Variants in NUP153 observed in about 807,000 individuals in gnomAD.
The protein encoded by NUP153 is nucleoporin 153, also known as nuclear pore complex protein Nup153.
NUP153 carries 27 observed loss-of-function variants against 134.6 expected under a neutral mutation model. The observed-to-expected ratio is 0.20, with a 90% CI of 0.15 to 0.28. NUP153 has a LOEUF of 0.28. NUP153 is among the 10% of genes least tolerant of loss of function. NUP153 has a pLI of 1.00. For missense variants in NUP153, 1,821 were observed against 1,731.3 expected (o/e 1.05, Z -0.92); for synonymous variants, 640 against 623.5 (o/e 1.03, Z -0.40).
At chr6:17,641,208 G>A (rs546089631) in intron 14 of NUP153, among the ~76,000 whole-genome samples, 1 of 152,236 alleles carries the variant, frequency 6.6e-6, no homozygotes, top group Non-Finnish European at 1.5e-5. Context: ...TGTGTGGGAT[G>A]GGGAGAGGAG....
intron 11 of NUP153, among the ~76,000 whole-genome samples, chr6:17,653,009 T>C (rs1362432014): frequency 6.6e-6 from 1 of 151,954 alleles, no homozygotes; most frequent in African/African-American, 2.4e-5. Context: ...AGCCTAGCAT[T>C]TGGTAGGCCG....
chr6:17,662,187 A>G (rs189319876), intron 9 of NUP153, 117 bp from the exon 10 acceptor site: 25 of 903,624 alleles, frequency 2.8e-5, no homozygotes, highest in Middle Eastern at 3.3e-4. Context: ...CTTTTTAGTT[A>G]ATGAATCCTG....
chr6:17,616,660 AATT>A lies in NUP153; in HGVS notation c.4207_4209del (p.Asn1403del), dbSNP rs1764347816. ...GATGGACTGTTGTTTGTGAAGTTGAAATTTGTAGTGCTGCTGCCAAACTGGAAA... is the reference window on the plus strand; with the variant it reads ...GATGGACTGTTGTTTGTGAAGTTGAATGTAGTGCTGCTGCCAAACTGGAAA... On this transcript the variant is annotated inframe_deletion, in exon 21 of 22. Transcript: ENST00000262077. 1 of 1,613,818 alleles carries A rather than the reference AATT, an allele frequency of 6.2e-7. No individual in the cohort carries two copies. Among genetic ancestry groups the A allele is most frequent in the African/African-American group, 1.3e-5 (1 of 74,934 alleles).
In NUP153 at chr6:17,625,841, C is replaced by CTTT. The variant is rs1764915500; in HGVS notation, c.3867_3868insAAA (p.Phe1289_Gly1290insLys). 1 of 1,613,924 alleles carries CTTT rather than the reference C, an allele frequency of 6.2e-7. No individual in the cohort carries two copies. Among genetic ancestry groups the CTTT allele is most frequent in the South Asian group, 1.1e-5 (1 of 91,086 alleles). On this transcript the variant is annotated inframe_insertion, in exon 19 of 22. Coordinates refer to ENST00000262077, the MANE Select transcript of NUP153 (RefSeq NM_005124.4). This position sits in a 1 kb window ranked among gnomAD's most constrained non-coding sequence, Gnocchi z 4.7. ...CTAGATGTGGTTGTGGCTCCAAAGC[C>CTTT]GAAACCAGAGGTGGTAGTATTATTA... is the stretch of plus-strand genomic sequence containing the variant.
At chr6:17,637,792 G>A in intron 15 of NUP153, 22 bp from the exon 16 acceptor site, 1 of 1,569,034 alleles carries the variant, frequency 6.4e-7, no homozygotes, top group Non-Finnish European at 8.6e-7. Context: ...GAAGGAGAGA[G>A]TGCAACGTTA....
At chr6:17,673,139 C>T (rs577060721) in intron 5 of NUP153, among the ~76,000 whole-genome samples, 5 of 152,218 alleles carry the variant, frequency 3.3e-5, no homozygotes, top group Admixed American at 6.5e-5. Flanking sequence ...GAGGCCAACG[C>T]GGGTGAATCA....
chr6:17,703,905 G>A (rs922890016), intron 1 of NUP153, among the ~76,000 whole-genome samples: 3 of 152,134 alleles, frequency 2.0e-5, no homozygotes, highest in Non-Finnish European at 4.4e-5. Flanking sequence ...GCCTGAAGTC[G>A]TATCAACTCT....
chr6:17,699,653 T>C (rs1290779835), intron 1 of NUP153, among the ~76,000 whole-genome samples: 1 of 152,086 alleles, frequency 6.6e-6, no homozygotes, highest in Admixed American at 6.6e-5. Flanking sequence ...CACACCAACA[T>C]GGTGAAACCC....
chr6:17,618,562 CTTTTTTTTTTTT>C (rs34236407), intron 20 of NUP153, among the ~76,000 whole-genome samples: 51 of 133,480 alleles, frequency 3.8e-4, no homozygotes, highest in African/African-American at 1.3e-3. Context: ...TAAAATCTCT[CTTTTTTTTTTTT>C]TTTTTTTTAA....
intron 9 of NUP153, among the ~76,000 whole-genome samples, chr6:17,663,233 AC>A (rs1767304728): frequency 3.7e-5 from 1 of 27,150 alleles, no homozygotes; most frequent in African/African-American, 8.2e-5. Context: ...AGAAAAAAAT[AC>A]ACACACACAC....
At chr6:17,692,121 C>A (rs1769315819) in intron 1 of NUP153, among the ~76,000 whole-genome samples, 1 of 152,168 alleles carries the variant, frequency 6.6e-6, no homozygotes, top group South Asian at 2.1e-4. Context: ...ACTCATAGAT[C>A]CCTCATGTGG....
chr6:17,657,198 C>T (rs1055752575), intron 11 of NUP153, among the ~76,000 whole-genome samples: 3 of 151,868 alleles, frequency 2.0e-5, no homozygotes, highest in African/African-American at 7.3e-5. Flanking sequence ...CTGTACTGAA[C>T]AGTTTATTAA....
chr6:17,666,110 A>C (rs995383526), intron 8 of NUP153, among the ~76,000 whole-genome samples: 1 of 151,880 alleles, frequency 6.6e-6, no homozygotes, highest in African/African-American at 2.4e-5. Context: ...TACAGGCATG[A>C]GCCACTGCAC....
At chr6:17,684,564 T>C (rs1467642041) in intron 2 of NUP153, among the ~76,000 whole-genome samples, 3 of 152,244 alleles carry the variant, frequency 2.0e-5, no homozygotes, top group African/African-American at 7.2e-5. Context: ...GCTTTCATAT[T>C]ATCCTTTGTG....
At chr6:17,679,996 C>T (rs1187549914) in intron 2 of NUP153, among the ~76,000 whole-genome samples, 2 of 152,132 alleles carry the variant, frequency 1.3e-5, no homozygotes, top group African/African-American at 2.4e-5. Context: ...GCGTACCCTA[C>T]CCTGCAGGTG....
chr6:17,633,023 A>G (rs1765342599), intron 16 of NUP153, among the ~76,000 whole-genome samples, 179 bp from the exon 17 acceptor site: 2 of 152,218 alleles, frequency 1.3e-5, no homozygotes, highest in South Asian at 4.1e-4. Flanking sequence ...TGTTTAAAAA[A>G]AAGAATAGAC....
intron 1 of NUP153, among the ~76,000 whole-genome samples, chr6:17,696,745 A>G (rs1769671186): frequency 6.6e-6 from 1 of 151,768 alleles, no homozygotes; most frequent in African/African-American, 2.4e-5. Flanking sequence ...ACAGAGCAAG[A>G]CTCCATCTCA....
At chr6:17,630,499 A>T (rs1208961992) in intron 17 of NUP153, among the ~76,000 whole-genome samples, 1 of 152,022 alleles carries the variant, frequency 6.6e-6, no homozygotes, top group Non-Finnish European at 1.5e-5. Context: ...ATCTCTACTA[A>T]AAATACAAAA....
chr6:17,628,610 TA>T lies in NUP153; in HGVS notation c.3544+44del, dbSNP rs11422297. 308 of 931,570 alleles carry T rather than the reference TA, an allele frequency of 3.3e-4. No homozygotes were observed. The highest frequency in any genetic ancestry group is 3.4e-4 in the South Asian group (6 of 17,768). The allele number at this position is 931,570 out of a possible 1,614,324, so 57.7% of individuals were successfully genotyped here. On this transcript the variant is annotated intron_variant, in intron 18 of 21. Transcript: ENST00000262077. This position sits in a 1 kb window ranked among gnomAD's most constrained non-coding sequence, Gnocchi z 5.4. ...AGGCAACTTGTAAAACGACAACTTGTAAAAAAAAAAATAATAATAATAATAA... is the reference window on the plus strand; with the variant it reads ...AGGCAACTTGTAAAACGACAACTTGTAAAAAAAAAATAATAATAATAATAA...
Sources: gnomAD v4.1 joint callset for allele counts (sites outside exome capture counted in the v4.1 genomes callset) on GRCh38, gnomAD v4.1.1 for gene constraint, Gnocchi (gnomAD v3.1) non-coding constraint, MANE v1.5 for transcripts, NCBI Gene and HGNC (gene_info 2026-07-23, HGNC 2026-07-21) for gene names.